Variants in CTNNA2 observed in about 807,000 individuals in gnomAD.
The protein encoded by CTNNA2 is catenin alpha-2.
Under a neutral mutation model 101.0 loss-of-function variants are expected in CTNNA2, and 42 were observed. The ratio of observed to expected loss-of-function variants is 0.42; its 90% CI spans 0.32 to 0.54. The LOEUF is 0.54. Ranked by LOEUF, CTNNA2 falls within the 20% of genes least tolerant of loss-of-function variation. The pLI is 0.14. For missense variants in CTNNA2, 871 were observed against 1,223.1 expected (o/e 0.71, Z 4.29); for synonymous variants, 450 against 456.4 (o/e 0.99, Z 0.18).
intron 4 of CTNNA2, among the ~76,000 whole-genome samples, chr2:79,437,452 G>A (rs1405972335): frequency 6.6e-6 from 1 of 152,012 alleles, no homozygotes; most frequent in Non-Finnish European, 1.5e-5. Context: ...CACATTTTGA[G>A]TAGCAAGGAT....
chr2:79,386,206 G>A (rs866446806), intron 4 of CTNNA2, among the ~76,000 whole-genome samples: 6 of 152,166 alleles, frequency 3.9e-5, no homozygotes, highest in African/African-American at 1.4e-4. Flanking sequence ...TGCCTCTGGA[G>A]TAGATTCTAC....
rs144511854 is a variant in CTNNA2 at position 79,898,773 on chromosome 2, ACAGAT to A, written c.853-10818_853-10814del. ...ATTTGAGGTGATGGCAGAACTCCCA[ACAGAT>A]CATGTCCAGTGTACAGCTGTAGTAA... is the stretch of plus-strand genomic sequence containing the variant. On this transcript the variant is annotated intron_variant, in intron 6 of 18. Coordinates refer to ENST00000402739, the MANE Select transcript of CTNNA2 (RefSeq NM_001282597.3). 9.3e-3 allele frequency among the ~76,000 whole-genome samples: 1,416 copies of A among 152,248 alleles called. 31 individuals are homozygous for A. The highest frequency in any genetic ancestry group is 0.031 in the African/African-American group (1,294 of 41,516).
chr2:80,479,318 C>A (rs1448029462), intron 9 of CTNNA2, among the ~76,000 whole-genome samples: 1 of 152,006 alleles, frequency 6.6e-6, no homozygotes, highest in Non-Finnish European at 1.5e-5. Context: ...GGCTGCCGGA[C>A]ATGGTGATGA....
intron 7 of CTNNA2, among the ~76,000 whole-genome samples, chr2:79,973,365 A>C (rs1690620787): frequency 6.6e-6 from 1 of 152,084 alleles, no homozygotes; most frequent in Admixed American, 6.5e-5. Flanking sequence ...GGAAATGTTG[A>C]GGGTTGGCAG....
intron 7 of CTNNA2, among the ~76,000 whole-genome samples, chr2:80,120,616 T>C (rs1007864809): frequency 1.3e-5 from 2 of 152,158 alleles, no homozygotes; most frequent in Non-Finnish European, 2.9e-5. Context: ...GTTTGCTATT[T>C]GGGTGAATGA....
At chr2:80,355,503 T>G (rs1278204922) in intron 7 of CTNNA2, among the ~76,000 whole-genome samples, 1 of 152,164 alleles carries the variant, frequency 6.6e-6, no homozygotes, top group South Asian at 2.1e-4. Flanking sequence ...GTACAAGCCC[T>G]GATTAGTCTT....
intron 4 of CTNNA2, among the ~76,000 whole-genome samples, chr2:79,410,278 T>C (rs1447569710): frequency 6.9e-6 from 1 of 144,752 alleles, no homozygotes. Flanking sequence ...CTTTTCCTAA[T>C]TGAATACCCT....
intron 7 of CTNNA2, among the ~76,000 whole-genome samples, chr2:80,113,731 T>A (rs1233784128): frequency 6.6e-6 from 1 of 152,230 alleles, no homozygotes. Flanking sequence ...AGTTATTGTT[T>A]TCTCATGGAC....
intron 3 of CTNNA2, among the ~76,000 whole-genome samples, chr2:79,847,345 C>T (rs552117246): frequency 1.3e-5 from 2 of 151,876 alleles, no homozygotes; most frequent in African/African-American, 4.8e-5. Flanking sequence ...GAGTTCGAGA[C>T]CAGCTTGATC....
chr2:80,584,998 C>T lies in CTNNA2; in HGVS notation c.2007+3179C>T, dbSNP rs185362885. 7.3e-3 allele frequency among the ~76,000 whole-genome samples: 1,078 copies of T among 147,332 alleles called. 9 individuals are homozygous for T. The highest frequency in any genetic ancestry group is 0.02 in the Admixed American group (293 of 14,986). On this transcript the variant is annotated intron_variant, in intron 14 of 18. Coordinates refer to ENST00000402739, the MANE Select transcript of CTNNA2 (RefSeq NM_001282597.3). ...AAGAATCAAAGGACCCACTCCTTAA[C>T]TACTTATTATACTGCTTTAAAGTCA... is the stretch of plus-strand genomic sequence containing the variant.
intron 7 of CTNNA2, among the ~76,000 whole-genome samples, chr2:80,067,880 C>T (rs1053790994): frequency 1.3e-5 from 2 of 152,094 alleles, no homozygotes; most frequent in African/African-American, 2.4e-5. Flanking sequence ...GTGAGTGAGC[C>T]GTCTTGGAAG....
chr2:79,280,979 CTA>C (rs1411699380), intron 2 of CTNNA2, among the ~76,000 whole-genome samples: 2 of 152,052 alleles, frequency 1.3e-5, no homozygotes, highest in Non-Finnish European at 2.9e-5. Flanking sequence ...CAGGCTGAAG[CTA>C]TATTCAGCAT....
intron 2 of CTNNA2, among the ~76,000 whole-genome samples, chr2:79,680,923 C>T (rs6709910): frequency 0.065 from 9,841 of 152,144 alleles, 1,040 homozygotes; most frequent in African/African-American, 0.22. Context: ...CCTTAGCCAC[C>T]GTGGAACTTC....
intron 3 of CTNNA2, among the ~76,000 whole-genome samples, chr2:79,811,479 G>C (rs1677033545): frequency 6.6e-6 from 1 of 152,112 alleles, no homozygotes; most frequent in Non-Finnish European, 1.5e-5. Context: ...TAGGTTGCCT[G>C]TCCACTCAGA....
At chr2:80,203,142 G>T (rs552915309) in intron 7 of CTNNA2, among the ~76,000 whole-genome samples, 22 of 152,264 alleles carry the variant, frequency 1.4e-4, no homozygotes, top group African/African-American at 5.1e-4. Context: ...TGGGAATTAT[G>T]GGAACTACAA....
chr2:79,436,451 C>G (rs767735799), intron 4 of CTNNA2, among the ~76,000 whole-genome samples: 5 of 151,798 alleles, frequency 3.3e-5, no homozygotes, highest in Non-Finnish European at 5.9e-5. Context: ...CAGGGGTTCA[C>G]AATCTAGCCA....
intron 7 of CTNNA2, among the ~76,000 whole-genome samples, chr2:80,015,088 T>C (rs1694050779): frequency 6.6e-6 from 1 of 152,210 alleles, no homozygotes; most frequent in Non-Finnish European, 1.5e-5. Flanking sequence ...GAAGCAGTAG[T>C]GTAATGGATG....
chr2:79,521,820 C>T (rs1159236150), intron 1 of CTNNA2, among the ~76,000 whole-genome samples: 2 of 152,052 alleles, frequency 1.3e-5, no homozygotes, highest in Non-Finnish European at 2.9e-5. Context: ...CAACGTGGCA[C>T]AAGAAGGAGA....
intron 1 of CTNNA2, among the ~76,000 whole-genome samples, chr2:79,636,543 A>G (rs17017376): frequency 0.26 from 39,511 of 151,884 alleles, 6,680 homozygotes; most frequent in African/African-American, 0.48. Context: ...AGAAACAACA[A>G]CATTGCCAAA....
Sources: allele counts gnomAD v4.1 joint callset (sites outside exome capture counted in the v4.1 genomes callset), GRCh38; gene constraint gnomAD v4.1.1; transcripts MANE v1.5; gene names NCBI Gene and HGNC (gene_info 2026-07-23, HGNC 2026-07-21).